The following ASTN2 variants were observed in gnomAD, a reference collection of about 807,000 sequenced individuals.
ASTN2 encodes the protein astrotactin 2, also known as astrotactin-2.
In ASTN2, 54 loss-of-function variants were observed where a neutral mutation model predicts 139.8. The observed-to-expected ratio is 0.39, with a 90% CI of 0.31 to 0.48. The LOEUF is 0.48. Among genes scored for constraint, ASTN2 ranks in the 20% least tolerant of loss-of-function variants. ASTN2 has a pLI of 0.95. For missense variants in ASTN2, 1,565 were observed against 1,725.1 expected (o/e 0.91, Z 1.64); for synonymous variants, 756 against 719.5 (o/e 1.05, Z -0.81).
chr9:116,976,660 G>C, intron 8 of ASTN2, 41 bp downstream of exon 8: 1 of 1,563,768 alleles, frequency 6.4e-7, no homozygotes, highest in Non-Finnish European at 8.8e-7. Flanking sequence ...GGTAAAAGTG[G>C]GTCCTGCACT....
intron 17 of ASTN2, among the ~76,000 whole-genome samples, chr9:116,627,472 C>A (rs1856522636): frequency 6.6e-6 from 1 of 152,180 alleles, no homozygotes; most frequent in Non-Finnish European, 1.5e-5. Context: ...GCATTTGGTC[C>A]TGGGTTCAAG....
At chr9:117,334,888 T>C (rs1465994559) in intron 1 of ASTN2, among the ~76,000 whole-genome samples, 1 of 152,158 alleles carries the variant, frequency 6.6e-6, no homozygotes. Context: ...ACACCATCTC[T>C]ACTAAAAATA....
At chr9:116,839,737 C>T (rs1832135474) in intron 11 of ASTN2, among the ~76,000 whole-genome samples, 1 of 151,830 alleles carries the variant, frequency 6.6e-6, no homozygotes, top group African/African-American at 2.4e-5. Context: ...GTGGCGTGAT[C>T]TCGGCATACT....
intron 10 of ASTN2, among the ~76,000 whole-genome samples, chr9:116,866,760 G>A (rs1833021540): frequency 6.6e-6 from 1 of 151,980 alleles, no homozygotes. Context: ...CAGGTGTGGG[G>A]CATGCTCCTG....
chr9:116,732,640 G>T (rs1404105139), intron 14 of ASTN2, among the ~76,000 whole-genome samples: 1 of 152,316 alleles, frequency 6.6e-6, no homozygotes, highest in South Asian at 2.1e-4. Context: ...GAAAAGGGTA[G>T]GAGAGGAACT....
chr9:116,956,452 T>C (rs1247698318), intron 10 of ASTN2, among the ~76,000 whole-genome samples: 1 of 147,864 alleles, frequency 6.8e-6, no homozygotes, highest in Non-Finnish European at 1.5e-5. Flanking sequence ...ATATATAATA[T>C]ATATGAAATA....
intron 19 of ASTN2, chr9:116,540,580 C>T (rs566676094): frequency 1.3e-5 from 2 of 152,184 alleles, no homozygotes; most frequent in South Asian, 2.1e-4. Context: ...GGCGAGCAAT[C>T]GTCCCACCTG....
intron 20 of ASTN2, among the ~76,000 whole-genome samples, chr9:116,450,648 C>T (rs941162870): frequency 3.3e-5 from 5 of 152,134 alleles, no homozygotes; most frequent in Non-Finnish European, 5.9e-5. Flanking sequence ...AACTTCCCCC[C>T]AGCTGAGTGC....
intron 6 of ASTN2, among the ~76,000 whole-genome samples, chr9:117,021,619 A>G (rs899457124): frequency 5.9e-5 from 9 of 152,304 alleles, no homozygotes; most frequent in East Asian, 5.8e-4. Flanking sequence ...GGTAATGTTT[A>G]ATAGCAGAAA....
intron 7 of ASTN2, among the ~76,000 whole-genome samples, chr9:117,003,681 A>G (rs1837261510): frequency 6.6e-6 from 1 of 151,812 alleles, no homozygotes; most frequent in Admixed American, 6.6e-5. Flanking sequence ...AGCATTAGAA[A>G]CCACAAACTT....
At chr9:116,437,152 C>T in intron 22 of ASTN2, 1 of 348,000 alleles carries the variant, frequency 2.9e-6, no homozygotes, top group Non-Finnish European at 5.7e-6. Flanking sequence ...GCACATGTAA[C>T]TAACCTGCAC....
intron 19 of ASTN2, among the ~76,000 whole-genome samples, chr9:116,488,458 T>C (rs929375582): frequency 5.3e-5 from 8 of 152,072 alleles, no homozygotes; most frequent in African/African-American, 1.9e-4. Flanking sequence ...AATACAGATA[T>C]GAACAAAAAT....
In ASTN2 at chr9:117,399,371, T is replaced by C. The variant is rs904342012; in HGVS notation, c.442+15126A>G. Among the ~76,000 whole-genome samples the C allele has an allele frequency of 2.0e-4, 30 of 152,264 alleles. No homozygotes were observed. In the South Asian group the frequency reaches 4.4e-3, roughly 22 times the overall value. On this transcript the variant is annotated intron_variant, in intron 1 of 22. Coordinates refer to ENST00000313400, the MANE Select transcript of ASTN2 (RefSeq NM_001365068.1). ...AGTTATGAGGCAGAAAAGATATTTT[T>C]AAAATATATAATATTAAAGATAATC...
intron 2 of ASTN2, among the ~76,000 whole-genome samples, chr9:117,254,156 C>T (rs1430134392): frequency 1.3e-5 from 2 of 151,844 alleles, no homozygotes; most frequent in Non-Finnish European, 2.9e-5. Context: ...CAAATGGGGC[C>T]AATAATAGGT....
At chr9:116,738,064 C>T (rs940862214) in intron 13 of ASTN2, among the ~76,000 whole-genome samples, 13 of 151,522 alleles carry the variant, frequency 8.6e-5, no homozygotes, top group East Asian at 3.9e-4. Flanking sequence ...TGGTAGCGGG[C>T]GCCTGTAGTC....
At chr9:116,543,346 A>AGGAT (rs1181051141) in intron 19 of ASTN2, among the ~76,000 whole-genome samples, 1 of 151,462 alleles carries the variant, frequency 6.6e-6, no homozygotes, top group Admixed American at 6.6e-5. Flanking sequence ...CTGAGGTGGG[A>AGGAT]GGATCACCCA....
At chr9:116,539,012 A>C (rs1365110792) in intron 19 of ASTN2, among the ~76,000 whole-genome samples, 1 of 152,222 alleles carries the variant, frequency 6.6e-6, no homozygotes, top group African/African-American at 2.4e-5. Context: ...GAAAAACAGC[A>C]ATAAAAATGA....
At chr9:116,514,462 G>A (rs1279603611) in intron 19 of ASTN2, among the ~76,000 whole-genome samples, 1 of 152,188 alleles carries the variant, frequency 6.6e-6, no homozygotes, top group African/African-American at 2.4e-5. Context: ...ACCCACTTGA[G>A]GAGGCAGTCT....
At position 116,699,493 on chromosome 9, in the gene ASTN2, A is replaced by T. The variant is rs1373814176; in HGVS notation, c.2806+26278T>A. 1 of 1,614,144 alleles carries T rather than the reference A, an allele frequency of 6.2e-7. No homozygotes were observed. The highest frequency in any genetic ancestry group is 1.7e-5 in the Admixed American group (1 of 60,030). On this transcript the variant is annotated intron_variant, in intron 16 of 22. Coordinates refer to ENST00000313400, the MANE Select transcript of ASTN2 (RefSeq NM_001365068.1). This position sits in a 1 kb window ranked among gnomAD's most constrained non-coding sequence, Gnocchi z 4.2. ...CGCTGCATTGCTGGCATGTGTGTGG[A>T]TGCTCGTGGTGATCTCATCGTGGCT... is the stretch of plus-strand genomic sequence containing the variant.
Sources: allele counts gnomAD v4.1 joint callset (sites outside exome capture counted in the v4.1 genomes callset), GRCh38; gene constraint gnomAD v4.1.1; non-coding constraint Gnocchi (gnomAD v3.1); transcripts MANE v1.5; gene names NCBI Gene and HGNC (gene_info 2026-07-23, HGNC 2026-07-21).